The following PRDM6 variants were observed in gnomAD, a reference collection of about 807,000 sequenced individuals.
The protein encoded by PRDM6 is PR/SET domain 6.
A neutral mutation model predicts 60.8 loss-of-function variants in PRDM6; 25 were observed. The observed-to-expected ratio is 0.41, with a 90% CI of 0.30 to 0.57. The LOEUF (loss-of-function observed/expected upper bound fraction) is 0.57, where lower values mean the gene tolerates loss of function less well. PRDM6 is among the 20% of genes least tolerant of loss of function. The pLI is 0.27. For synonymous variants in PRDM6, 407 were observed against 357.4 expected (o/e 1.14, Z -1.57); for missense variants, 839 against 821.3 (o/e 1.02, Z -0.26).
chr5:123,138,291 A>G (rs1002248616), intron 3 of PRDM6, among the ~76,000 whole-genome samples: 1 of 152,192 alleles, frequency 6.6e-6, no homozygotes, highest in African/African-American at 2.4e-5. Context: ...GTTGTTGGCA[A>G]TTGTACCAAG....
intron 7 of PRDM6, among the ~76,000 whole-genome samples, chr5:123,185,028 A>G (rs893583605): frequency 2.0e-5 from 3 of 152,202 alleles, no homozygotes; most frequent in East Asian, 1.9e-4. Context: ...TTTTCTGACT[A>G]TTACAACAAA....
intron 3 of PRDM6, among the ~76,000 whole-genome samples, chr5:123,117,402 G>A (rs638026): frequency 0.88 from 133,287 of 152,130 alleles, 58,858 homozygotes; most frequent in East Asian, 0.99. Flanking sequence ...GGTACCTTTG[G>A]TTTTTGGCAT....
intron 3 of PRDM6, among the ~76,000 whole-genome samples, chr5:123,123,027 C>G (rs1764613384): frequency 1.3e-5 from 2 of 152,016 alleles, no homozygotes; most frequent in Admixed American, 1.3e-4. Context: ...ATATCTATGA[C>G]TATTTTATTG....
intron 3 of PRDM6, among the ~76,000 whole-genome samples, chr5:123,129,828 T>G (rs1048085524): frequency 3.3e-5 from 5 of 152,212 alleles, no homozygotes; most frequent in Non-Finnish European, 7.3e-5. Flanking sequence ...TATTAAGATG[T>G]GTTCCACTTA....
intron 7 of PRDM6, among the ~76,000 whole-genome samples, chr5:123,186,059 C>T (rs754117769): frequency 1.3e-4 from 20 of 152,194 alleles, no homozygotes; most frequent in Non-Finnish European, 1.8e-4. Flanking sequence ...GAGGTGGCCT[C>T]TGAGCTGTAT....
intron 3 of PRDM6, among the ~76,000 whole-genome samples, chr5:123,113,273 A>C (rs2150214044): frequency 6.6e-6 from 1 of 152,326 alleles, no homozygotes; most frequent in Middle Eastern, 3.4e-3. Context: ...ATTTATCACC[A>C]TGTAAAAGCT....
intron 3 of PRDM6, among the ~76,000 whole-genome samples, chr5:123,135,480 G>A (rs1764933293): frequency 6.6e-6 from 1 of 152,136 alleles, no homozygotes; most frequent in Admixed American, 6.6e-5. Context: ...ATGTCCAAGG[G>A]CTGAGCTCAG....
In PRDM6 at chr5:123,189,340, A is replaced by G. The variant is rs180676057; in HGVS notation, c.*2139A>G. ...AACAACAGTAGGGAATCACCTGTAT[A>G]TTTCTAATTTTTTTTTTCATTTGAA... is the stretch of plus-strand genomic sequence containing the variant. On this transcript the variant is annotated 3_prime_UTR_variant, in exon 8 of 8. Coordinates refer to ENST00000407847, the MANE Select transcript of PRDM6 (RefSeq NM_001136239.4). 39 of 152,250 alleles carry G rather than the reference A, an allele frequency of 2.6e-4. No homozygotes were observed. The highest frequency in any genetic ancestry group is 8.7e-4 in the African/African-American group (36 of 41,540). The allele number at this position is 152,250 out of a possible 1,614,324, so 9.4% of individuals were successfully genotyped here. A position where few individuals can be genotyped will look rare whatever the true frequency, so the allele number is the denominator to read the frequency against.
chr5:123,166,898 T>C (rs1765765025), intron 5 of PRDM6, among the ~76,000 whole-genome samples: 1 of 152,236 alleles, frequency 6.6e-6, no homozygotes, highest in South Asian at 2.1e-4. Context: ...CTGAAGAGAT[T>C]GACTAGCTCA....
chr5:123,180,221 C>T lies in PRDM6; in HGVS notation c.1571C>T (p.Ser524Phe). Residue 524 changes from serine (S) to phenylalanine (F), a missense_variant, in exon 7 of 8, where the codon TCT becomes TTT. Ser to Phe is a radical substitution (Grantham distance 155). This residue lies in a region of PRDM6 where 109 missense variants were observed against 172.6 expected (regional missense o/e 0.63). Coordinates refer to ENST00000407847, the MANE Select transcript of PRDM6 (RefSeq NM_001136239.4). ...CTGAGGAACCACGTGGTCACTCACT[C>T]TAGTGACCGGCCTTTCAAGTGCGGC... ...SELRNHVVTHSSDRPFKCGYC... is the reference protein window; with the variant it reads ...SELRNHVVTHFSDRPFKCGYC... 6.4e-7 allele frequency: 1 copy of T among 1,552,060 alleles called. No individual in the cohort carries two copies. Among genetic ancestry groups the T allele is most frequent in the Non-Finnish European group, 8.7e-7 (1 of 1,147,030 alleles).
At chr5:123,108,730 C>T (rs1309201941) in intron 3 of PRDM6, among the ~76,000 whole-genome samples, 1 of 151,974 alleles carries the variant, frequency 6.6e-6, no homozygotes, top group Non-Finnish European at 1.5e-5. Flanking sequence ...ATTGGAAAGT[C>T]GAACTATGTA....
intron 6 of PRDM6, among the ~76,000 whole-genome samples, chr5:123,173,121 G>A (rs1181066082): frequency 6.6e-6 from 1 of 151,312 alleles, no homozygotes; most frequent in East Asian, 1.9e-4. Context: ...AACTCAGGAG[G>A]CAGAGCTTGC....
Position 123,100,804 on chromosome 5 carries a change from G to A in PRDM6, c.900+843G>A, listed in dbSNP as rs1269098709. ...CCAAAACATCATGGTGGATTATTGAGGTTCACTTCTGAAGAGATAGATGCC... is the reference window on the plus strand; with the variant it reads ...CCAAAACATCATGGTGGATTATTGAAGTTCACTTCTGAAGAGATAGATGCC... On this transcript the variant is annotated intron_variant, in intron 3 of 7. Transcript: ENST00000407847. Among the ~76,000 whole-genome samples the A allele has an allele frequency of 3.3e-5, 5 of 152,284 alleles. No homozygotes were observed. In the East Asian group the frequency reaches 9.7e-4, roughly 29 times the overall value.
At chr5:123,124,051 G>A (rs1764641347) in intron 3 of PRDM6, among the ~76,000 whole-genome samples, 1 of 152,150 alleles carries the variant, frequency 6.6e-6, no homozygotes. Flanking sequence ...GCCAAACTTT[G>A]ACCTGGTCCA....
At chr5:123,138,216 A>G (rs1219174676) in intron 3 of PRDM6, among the ~76,000 whole-genome samples, 1 of 152,258 alleles carries the variant, frequency 6.6e-6, no homozygotes, top group Non-Finnish European at 1.5e-5. Flanking sequence ...GGTAAATAAT[A>G]TGACTTATGA....
rs552537652 is a variant in PRDM6, at chr5:123,191,290, G to A, written c.*4089G>A. ...AAAATTTAAAATGCAAGTATCTATT[G>A]AGTTGTTTAAAATGGGAATCATGGC... On this transcript the variant is annotated 3_prime_UTR_variant, in exon 8 of 8. Coordinates refer to ENST00000407847, the MANE Select transcript of PRDM6 (RefSeq NM_001136239.4). 9 of 152,260 alleles carry A rather than the reference G, an allele frequency of 5.9e-5. No individual in the cohort carries two copies. The East Asian group carries it at 1.5e-3, about 26-fold the overall frequency. The allele number at this position is 152,260 out of a possible 1,614,324, so 9.4% of individuals were successfully genotyped here. A position where few individuals can be genotyped will look rare whatever the true frequency, so the allele number is the denominator to read the frequency against.
rs1764043015 is a variant in PRDM6, at chr5:123,099,327, T to C, written c.593-327T>C. Among the ~76,000 whole-genome samples the C allele has an allele frequency of 6.6e-6, 1 of 152,008 alleles. No homozygotes were observed. The highest frequency in any genetic ancestry group is 2.4e-5 in the African/African-American group (1 of 41,380). Reference sequence around the variant, plus strand: ...GACAGAGGGAGAGATGCAGAGAGACTGAAACGGGAGGAAGAAGCCTGGAAC... The same window carrying C: ...GACAGAGGGAGAGATGCAGAGAGACCGAAACGGGAGGAAGAAGCCTGGAAC... On this transcript the variant is annotated intron_variant, in intron 2 of 7. Coordinates refer to ENST00000407847, the MANE Select transcript of PRDM6 (RefSeq NM_001136239.4). The surrounding 1 kb of genome is among the most constrained non-coding windows in gnomAD (Gnocchi z 4.0).
chr5:123,191,627 G>A lies in PRDM6; in HGVS notation c.*4426G>A, dbSNP rs1259821950. 6.6e-6 allele frequency: 1 copy of A among 152,054 alleles called. No homozygotes were observed. The highest frequency in any genetic ancestry group is 1.5e-5 in the Non-Finnish European group (1 of 68,022). 9.4% of individuals were successfully genotyped at this position (152,054 alleles called of 1,614,324 possible). ...TCCAGAAATGTTATTCACTTGTCAGGATCCTTTTAAGGTGAAGAGCTTTGG... is the reference window on the plus strand; with the variant it reads ...TCCAGAAATGTTATTCACTTGTCAGAATCCTTTTAAGGTGAAGAGCTTTGG... On this transcript the variant is annotated 3_prime_UTR_variant, in exon 8 of 8. Transcript: ENST00000407847.
At chr5:123,149,056 G>T (rs1033327307) in intron 3 of PRDM6, among the ~76,000 whole-genome samples, 1 of 152,178 alleles carries the variant, frequency 6.6e-6, no homozygotes, top group Non-Finnish European at 1.5e-5. Context: ...AATGCCACAC[G>T]AATATGTATG....
Sources: allele counts gnomAD v4.1 joint callset (sites outside exome capture counted in the v4.1 genomes callset), GRCh38; gene constraint gnomAD v4.1.1; regional missense constraint gnomAD v4.1.1; non-coding constraint Gnocchi (gnomAD v3.1); transcripts MANE v1.5; gene names NCBI Gene and HGNC (gene_info 2026-07-23, HGNC 2026-07-21).